ATRNL1: variants seen among roughly 807,000 people sequenced by gnomAD.
The protein encoded by ATRNL1 is attractin like 1.
Under a neutral mutation model 182.7 loss-of-function variants are expected in ATRNL1, and 95 were observed. The observed-to-expected ratio is 0.52, with a 90% confidence interval of 0.44 to 0.62. ATRNL1 has a LOEUF of 0.62. Among genes scored for constraint, ATRNL1 ranks in the 20% least tolerant of loss-of-function variants. ATRNL1 has a pLI of 0.00. For synonymous variants in ATRNL1, 576 were observed against 568.3 expected, an observed-to-expected ratio of 1.01 and a Z score of -0.19; for missense variants, 1,471 against 1,679.5, an observed-to-expected ratio of 0.88 and a Z score of 2.17.
At chr10:115,891,416 A>G (rs1421781786) in intron 28 of ATRNL1, among the ~76,000 whole-genome samples, 1 of 152,222 alleles carries the variant, frequency 6.6e-6, no homozygotes, top group Non-Finnish European at 1.5e-5. Flanking sequence ...TTGGAAATAC[A>G]GAGTTTCGCA....
intron 27 of ATRNL1, among the ~76,000 whole-genome samples, chr10:115,834,794 A>G (rs1950632774): frequency 6.6e-6 from 1 of 152,052 alleles, no homozygotes; most frequent in African/African-American, 2.4e-5. Context: ...TCTGCTGTGT[A>G]TTTTCTTGCC....
At chr10:115,514,053 C>A (rs1850519996) in intron 24 of ATRNL1, among the ~76,000 whole-genome samples, 1 of 151,854 alleles carries the variant, frequency 6.6e-6, no homozygotes, top group Non-Finnish European at 1.5e-5. Context: ...ACACTTCATC[C>A]CACCATTAAT....
chr10:115,407,288 A>G (rs782340658), intron 20 of ATRNL1, among the ~76,000 whole-genome samples: 5 of 152,162 alleles, frequency 3.3e-5, no homozygotes, highest in Admixed American at 6.5e-5. Flanking sequence ...ATTGTTAACT[A>G]TAGTCCTCTT....
chr10:115,361,753 T>A (rs1404748709), intron 19 of ATRNL1, among the ~76,000 whole-genome samples: 1 of 152,100 alleles, frequency 6.6e-6, no homozygotes, highest in Non-Finnish European at 1.5e-5. Context: ...AATGTTGGAC[T>A]GTAAAATGTA....
intron 26 of ATRNL1, among the ~76,000 whole-genome samples, chr10:115,718,854 G>A (rs1306202991): frequency 6.6e-6 from 1 of 152,154 alleles, no homozygotes; most frequent in Non-Finnish European, 1.5e-5. Context: ...CCAGCTGCCT[G>A]CTTCCAGTTT....
intron 19 of ATRNL1, among the ~76,000 whole-genome samples, chr10:115,377,242 C>T (rs1189836120): frequency 2.0e-5 from 3 of 152,110 alleles, no homozygotes; most frequent in African/African-American, 7.2e-5. Flanking sequence ...ATCACGACGG[C>T]AGTTTTTCCC....
intron 21 of ATRNL1, among the ~76,000 whole-genome samples, chr10:115,435,495 A>C (rs900939042): frequency 2.6e-5 from 4 of 152,108 alleles, no homozygotes; most frequent in African/African-American, 4.8e-5. Context: ...TGAGCCCATA[A>C]ATTTATATTT....
chr10:115,735,761 A>C (rs1947933364), intron 27 of ATRNL1, among the ~76,000 whole-genome samples: 1 of 152,196 alleles, frequency 6.6e-6, no homozygotes, highest in Admixed American at 6.5e-5. Context: ...GACAGAGATA[A>C]TTCGCATCTT....
chr10:115,173,898 T>G (rs906702521), intron 8 of ATRNL1, among the ~76,000 whole-genome samples: 4 of 150,756 alleles, frequency 2.7e-5, no homozygotes, highest in Non-Finnish European at 4.4e-5. Context: ...TGCTTTGTGA[T>G]TCCTGTTTTT....
At chr10:115,404,006 T>C (rs1300364480) in intron 20 of ATRNL1, among the ~76,000 whole-genome samples, 2 of 152,216 alleles carry the variant, frequency 1.3e-5, no homozygotes, top group Admixed American at 1.3e-4. Flanking sequence ...GGTTGGCCAG[T>C]ATGAAACCAT....
intron 28 of ATRNL1, among the ~76,000 whole-genome samples, chr10:115,849,637 T>G (rs114573545): frequency 0.012 from 1,786 of 152,240 alleles, 42 homozygotes; most frequent in African/African-American, 0.041. Context: ...TTCTAAAATG[T>G]TTTTTCTGTT....
chr10:115,451,040 G>A (rs583767), intron 21 of ATRNL1, among the ~76,000 whole-genome samples: 56,045 of 151,966 alleles, frequency 0.37, 11,628 homozygotes, highest in African/African-American at 0.57. Flanking sequence ...TTTTCAATCA[G>A]TGGTGCTGGG....
intron 26 of ATRNL1, among the ~76,000 whole-genome samples, chr10:115,682,014 ATTG>A (rs1946061503): frequency 6.6e-6 from 1 of 152,130 alleles, no homozygotes; most frequent in Non-Finnish European, 1.5e-5. Flanking sequence ...GCAGCCCTTT[ATTG>A]TTGTAGTGAT....
At position 115,096,080 on chromosome 10, in the gene ATRNL1, A is replaced by C. The variant is rs149497861; in HGVS notation, c.293+2037A>C. ...AATAACATTGAGAGGTGGTGTTCAT[A>C]AACAAAATACATTAGTGAGTAGAAG... On this transcript the variant is annotated intron_variant, in intron 1 of 28. Coordinates refer to ENST00000355044, the MANE Select transcript of ATRNL1 (RefSeq NM_207303.4). Among the ~76,000 whole-genome samples, 391 of 152,350 alleles carry C rather than the reference A, an allele frequency of 2.6e-3. 6 individuals are homozygous for C. In the East Asian group the frequency reaches 0.039, roughly 15 times the overall value.
chr10:115,497,549 G>C (rs1424127937), intron 24 of ATRNL1, among the ~76,000 whole-genome samples: 1 of 151,858 alleles, frequency 6.6e-6, no homozygotes, highest in Non-Finnish European at 1.5e-5. Flanking sequence ...AGATGTTCTA[G>C]TTGAAGGGCT....
chr10:115,538,220 G>A (rs539842979), intron 25 of ATRNL1, among the ~76,000 whole-genome samples: 2 of 152,304 alleles, frequency 1.3e-5, no homozygotes, highest in South Asian at 4.1e-4. Context: ...ATACCAGGAA[G>A]TAGGGTTGCT....
chr10:115,718,192 T>A (rs949557870), intron 26 of ATRNL1, among the ~76,000 whole-genome samples: 1 of 152,212 alleles, frequency 6.6e-6, no homozygotes, highest in African/African-American at 2.4e-5. Context: ...TGGGAATGTG[T>A]GCCTATTCTG....
intron 12 of ATRNL1, among the ~76,000 whole-genome samples, chr10:115,267,908 T>G (rs1311591903): frequency 1.3e-5 from 2 of 152,102 alleles, no homozygotes. Context: ...ATTACAGGCA[T>G]GTGCCACTAT....
intron 1 of ATRNL1, among the ~76,000 whole-genome samples, chr10:115,109,282 T>C (rs1166330989): frequency 1.3e-5 from 2 of 152,176 alleles, no homozygotes; most frequent in Non-Finnish European, 2.9e-5. Context: ...TGTTATTCAG[T>C]TTTGTGCTGC....
Sources: gnomAD v4.1 joint callset for allele counts (sites outside exome capture counted in the v4.1 genomes callset) on GRCh38, gnomAD v4.1.1 for gene constraint, MANE v1.5 for transcripts, NCBI Gene and HGNC (gene_info 2026-07-23, HGNC 2026-07-21) for gene names.